Variants in RGS6 observed in about 807,000 individuals in gnomAD.
RGS6 encodes the protein regulator of G-protein signaling 6.
RGS6 carries 30 observed loss-of-function variants against 78.5 expected under a neutral mutation model. That is an observed-to-expected ratio of 0.38 (90% CI 0.29 to 0.52). The LOEUF (loss-of-function observed/expected upper bound fraction) is 0.52, where lower values mean the gene tolerates loss of function less well. RGS6 is among the 20% of genes least tolerant of loss of function. The probability of loss-of-function intolerance (pLI) is 0.85; values close to 1 mark genes in which losing one functional copy is unlikely to be tolerated. For missense variants in RGS6, 495 were observed against 609.7 expected, an observed-to-expected ratio of 0.81 and a Z score of 1.98; for synonymous variants, 206 against 206.0, an observed-to-expected ratio of 1.00 and a Z score of 0.00.
At chr14:72,611,724 C>G in the RGS6 span, among the ~76,000 whole-genome samples, 664 of 152,268 alleles carry the variant, frequency 4.4e-3, 3 homozygotes, top group Non-Finnish European at 6.3e-3. Flanking sequence ...TGCTGTCATC[C>G]AAGGGCATCC....
the RGS6 span, among the ~76,000 whole-genome samples, chr14:71,876,362 G>T: frequency 2.0e-5 from 3 of 151,640 alleles, no homozygotes; most frequent in Non-Finnish European, 2.9e-5. Flanking sequence ...AGGATAGTTA[G>T]CTCTTCTTGT....
intron 2 of RGS6, among the ~76,000 whole-genome samples, chr14:72,068,981 T>A (rs926242300): frequency 1.3e-5 from 2 of 152,076 alleles, no homozygotes; most frequent in African/African-American, 4.8e-5. Context: ...TTGTTTTATT[T>A]ATTTTTTTGA....
intron 3 of RGS6, among the ~76,000 whole-genome samples, chr14:72,398,519 T>G (rs1412344600): frequency 1.3e-5 from 2 of 152,212 alleles, no homozygotes; most frequent in Non-Finnish European, 2.9e-5. Flanking sequence ...GATTCATTGA[T>G]TTTTTGAAGA....
chr14:71,951,037 C>T (rs2092262818), intron 1 of RGS6, among the ~76,000 whole-genome samples: 1 of 152,056 alleles, frequency 6.6e-6, no homozygotes, highest in African/African-American at 2.4e-5. Context: ...TACCATTTGA[C>T]CCAGCAATCC....
At chr14:72,312,083 C>G (rs2068759057) in intron 2 of RGS6, among the ~76,000 whole-genome samples, 1 of 152,108 alleles carries the variant, frequency 6.6e-6, no homozygotes, top group Non-Finnish European at 1.5e-5. Context: ...TTGGGGGCAG[C>G]CTGAGGTTAC....
the RGS6 span, among the ~76,000 whole-genome samples, chr14:71,886,552 G>A: frequency 2.0e-5 from 3 of 152,170 alleles, no homozygotes; most frequent in Non-Finnish European, 4.4e-5. Context: ...CAGAAGTTAG[G>A]CACTGAGGTT....
chr14:72,478,345 A>G lies in RGS6; in HGVS notation c.854+16A>G, dbSNP rs751773305. The G allele has an allele frequency of 2.0e-6, 3 of 1,534,758 alleles. 1 individual carries two copies. The South Asian group carries it at 3.4e-5, about 17-fold the overall frequency. On this transcript the variant is annotated intron_variant, in intron 12 of 17. Transcript: ENST00000553525. ...TGGCTGAAAGGTATGTTTTCCTTTAATAATATTACTACTTTCTTCTAATTT... is the reference window on the plus strand; with the variant it reads ...TGGCTGAAAGGTATGTTTTCCTTTAGTAATATTACTACTTTCTTCTAATTT...
At chr14:72,448,511 GAA>G (rs144530661) in intron 3 of RGS6, among the ~76,000 whole-genome samples, 1 of 147,000 alleles carries the variant, frequency 6.8e-6, no homozygotes, top group Non-Finnish European at 1.5e-5. Context: ...AGGCATAAAA[GAA>G]AAAAAAAAGA....
intron 2 of RGS6, among the ~76,000 whole-genome samples, chr14:72,078,000 A>G (rs1173957817): frequency 6.6e-6 from 1 of 152,068 alleles, no homozygotes; most frequent in Non-Finnish European, 1.5e-5. Context: ...TGGCTCTTCA[A>G]CCCTAAAATG....
intron 2 of RGS6, among the ~76,000 whole-genome samples, chr14:71,974,393 CAT>C (rs538517956): frequency 1.1e-3 from 167 of 152,232 alleles, no homozygotes; most frequent in African/African-American, 3.7e-3. Context: ...TATGCAAAGA[CAT>C]ATATATAGAT....
intron 2 of RGS6, among the ~76,000 whole-genome samples, chr14:72,238,569 T>C (rs2051828216): frequency 1.3e-5 from 2 of 152,212 alleles, no homozygotes. Flanking sequence ...TCAGAACTTA[T>C]GTATATTTTC....
At chr14:72,567,460 C>T (rs966549561), downstream of RGS6, among the ~76,000 whole-genome samples, 4 of 152,240 alleles carry the variant, frequency 2.6e-5, no homozygotes, top group African/African-American at 4.8e-5. Flanking sequence ...GCACTCTACC[C>T]TGACCGCCAC....
intron 17 of RGS6, among the ~76,000 whole-genome samples, chr14:72,545,396 G>A (rs2097380556): frequency 6.6e-6 from 1 of 152,228 alleles, no homozygotes; most frequent in Non-Finnish European, 1.5e-5. Flanking sequence ...CCCTCCTGCA[G>A]ACTGGCTCCT....
the RGS6 span, among the ~76,000 whole-genome samples, chr14:72,613,855 C>T: frequency 1.3e-5 from 2 of 152,188 alleles, no homozygotes; most frequent in Non-Finnish European, 2.9e-5. Flanking sequence ...CAGGCCTCCC[C>T]GGGGACAGCT....
intron 3 of RGS6, among the ~76,000 whole-genome samples, chr14:72,393,956 T>C (rs1016450500): frequency 2.6e-5 from 4 of 152,154 alleles, no homozygotes; most frequent in African/African-American, 9.7e-5. Context: ...CAGTCCAAGA[T>C]AGACTTGAGC....
At chr14:71,916,602 T>C in the RGS6 span, among the ~76,000 whole-genome samples, 10,651 of 152,098 alleles carry the variant, frequency 0.07, 443 homozygotes, top group Non-Finnish European at 0.091. Flanking sequence ...TATAATGCTT[T>C]AGGAATTCTC....
chr14:72,560,085 C>T (rs1017184032), intron 17 of RGS6, among the ~76,000 whole-genome samples: 1 of 151,386 alleles, frequency 6.6e-6, no homozygotes, highest in Non-Finnish European at 1.5e-5. Flanking sequence ...TGGCAACAGA[C>T]TCTTATTCAG....
chr14:72,130,141 C>A (rs1038832459), intron 2 of RGS6, among the ~76,000 whole-genome samples: 2 of 152,174 alleles, frequency 1.3e-5, no homozygotes, highest in South Asian at 2.1e-4. Context: ...GCTATACTTA[C>A]AATTACAGTT....
chr14:72,323,110 G>T (rs757284206), intron 2 of RGS6, among the ~76,000 whole-genome samples: 3 of 152,030 alleles, frequency 2.0e-5, no homozygotes, highest in Non-Finnish European at 4.4e-5. Context: ...TATCATATAT[G>T]CAGATGATAT....
Sources: gnomAD v4.1 joint callset for allele counts (sites outside exome capture counted in the v4.1 genomes callset) on GRCh38, gnomAD v4.1.1 for gene constraint, MANE v1.5 for transcripts, NCBI Gene and HGNC (gene_info 2026-07-23, HGNC 2026-07-21) for gene names.